ZNF385D: variants seen among roughly 807,000 people sequenced by gnomAD.
ZNF385D encodes the protein zinc finger protein 659.
Under a neutral mutation model 35.8 loss-of-function variants are expected in ZNF385D, and 15 were observed. That is an observed-to-expected ratio of 0.42 (90% confidence interval 0.28 to 0.64). The LOEUF (loss-of-function observed/expected upper bound fraction) is 0.64, where lower values mean the gene tolerates loss of function less well. ZNF385D is among the 30% of genes least tolerant of loss of function. The pLI is 0.23. For missense variants in ZNF385D, 474 were observed against 494.6 expected (o/e 0.96, Z 0.39); for synonymous variants, 212 against 186.8 (o/e 1.13, Z -1.10).
chr3:21,560,786 G>T lies in ZNF385D; in HGVS notation c.276+3788C>A, dbSNP rs1396406085. ...AGGTGCTCTGTCCCAGGGAGTTGGGGGTATTATCTATAAGCCCCTGACTGG... is the reference window on the plus strand; with the variant it reads ...AGGTGCTCTGTCCCAGGGAGTTGGGTGTATTATCTATAAGCCCCTGACTGG... On this transcript the variant is annotated intron_variant, in intron 3 of 7. Coordinates refer to ENST00000281523, the MANE Select transcript of ZNF385D (RefSeq NM_024697.3). Among the ~76,000 whole-genome samples the T allele has an allele frequency of 2.6e-5, 4 of 152,108 alleles. No homozygotes were observed. The East Asian group carries it at 7.8e-4, about 30-fold the overall frequency.
At chr3:22,191,437 A>T (rs1176405854) in intron 2 of ZNF385D, among the ~76,000 whole-genome samples, 2 of 151,336 alleles carry the variant, frequency 1.3e-5, no homozygotes, top group African/African-American at 4.9e-5. Context: ...CAGTGAGCCG[A>T]GATAGTACCA....
At chr3:22,080,939 A>G (rs934708658) in intron 3 of ZNF385D, among the ~76,000 whole-genome samples, 4 of 152,148 alleles carry the variant, frequency 2.6e-5, no homozygotes, top group Non-Finnish European at 5.9e-5. Context: ...AGACTTCCCA[A>G]CATGCAGAAC....
intron 2 of ZNF385D, among the ~76,000 whole-genome samples, chr3:21,588,314 T>G (rs909707049): frequency 6.6e-6 from 1 of 152,332 alleles, no homozygotes; most frequent in Middle Eastern, 3.4e-3. Context: ...GGTTCAACTT[T>G]TAAGACTTTC....
chr3:22,205,342 C>A (rs2125250266), intron 2 of ZNF385D, among the ~76,000 whole-genome samples: 1 of 151,760 alleles, frequency 6.6e-6, no homozygotes, highest in Admixed American at 6.6e-5. Context: ...TCATCAACAC[C>A]AGACCTGTGC....
At chr3:22,111,120 T>C (rs1442924130) in intron 3 of ZNF385D, among the ~76,000 whole-genome samples, 1 of 146,834 alleles carries the variant, frequency 6.8e-6, no homozygotes, top group African/African-American at 2.5e-5. Context: ...AAATCTACAG[T>C]AAAGCAGTAA....
At chr3:21,761,220 T>C in intron 3 of ZNF385D, among the ~76,000 whole-genome samples, 1 of 152,174 alleles carries the variant, frequency 6.6e-6, no homozygotes, top group East Asian at 1.9e-4. Context: ...ATGATCGATA[T>C]TTTAGTGCAA....
chr3:21,632,396 C>T (rs2065307914), intron 2 of ZNF385D, among the ~76,000 whole-genome samples: 1 of 152,050 alleles, frequency 6.6e-6, no homozygotes, highest in South Asian at 2.1e-4. Context: ...GAGTCTATAT[C>T]ATTAGTTTAT....
chr3:21,974,132 T>C (rs1321763217), intron 3 of ZNF385D, among the ~76,000 whole-genome samples: 1 of 151,746 alleles, frequency 6.6e-6, no homozygotes, highest in Non-Finnish European at 1.5e-5. Context: ...GAGCAAAAAT[T>C]TGAACAAAAC....
chr3:22,256,679 T>TG (rs778495406), intron 2 of ZNF385D, among the ~76,000 whole-genome samples: 4 of 151,922 alleles, frequency 2.6e-5, no homozygotes, highest in Admixed American at 6.6e-5. Context: ...GTAAACTTAT[T>TG]GCCTTTTAAG....
chr3:21,667,363 T>C (rs1194753970), intron 1 of ZNF385D, among the ~76,000 whole-genome samples: 2 of 152,130 alleles, frequency 1.3e-5, no homozygotes, highest in Admixed American at 6.5e-5. Flanking sequence ...GTTTTTGCTA[T>C]GTTGCCTAGG....
chr3:21,801,732 T>C (rs2072413569), intron 3 of ZNF385D, among the ~76,000 whole-genome samples: 1 of 152,158 alleles, frequency 6.6e-6, no homozygotes, highest in Non-Finnish European at 1.5e-5. Flanking sequence ...AGAAACATCT[T>C]GGCTTCCAGC....
At chr3:22,080,569 G>A (rs1700697729) in intron 3 of ZNF385D, among the ~76,000 whole-genome samples, 1 of 151,692 alleles carries the variant, frequency 6.6e-6, no homozygotes, top group African/African-American at 2.4e-5. Context: ...GGTTGTAATA[G>A]CTACAGATTT....
chr3:22,167,154 G>A (rs1430098523), intron 3 of ZNF385D, among the ~76,000 whole-genome samples: 1 of 152,144 alleles, frequency 6.6e-6, no homozygotes, highest in Non-Finnish European at 1.5e-5. Context: ...CAAATCCATG[G>A]ACTGGACTGA....
intron 1 of ZNF385D, among the ~76,000 whole-genome samples, chr3:21,743,443 CA>C (rs1164635137): frequency 2.0e-5 from 3 of 152,170 alleles, no homozygotes; most frequent in Admixed American, 2.0e-4. Flanking sequence ...GCTGCCATGA[CA>C]AAAAACCACA....
At chr3:22,143,361 G>C (rs1004545572) in intron 3 of ZNF385D, among the ~76,000 whole-genome samples, 1 of 152,088 alleles carries the variant, frequency 6.6e-6, no homozygotes, top group African/African-American at 2.4e-5. Flanking sequence ...TAGGATTACA[G>C]GCATGAGCCA....
rs2066168133 is a variant in ZNF385D at position 21,659,395 on chromosome 3, T to A, written c.165+5491A>T. ...CATCTATGTGTTTTCCTCAGCAACA[T>A]TTTTGAGATCATGACACACATAAAA... On this transcript the variant is annotated intron_variant, in intron 2 of 7. Transcript: ENST00000281523. Among the ~76,000 whole-genome samples the A allele has an allele frequency of 1.3e-5, 2 of 152,122 alleles. 1 individual carries two copies. The highest frequency in any genetic ancestry group is 4.1e-4 in the South Asian group (2 of 4,824).
chr3:22,131,863 T>C (rs1438347675), intron 3 of ZNF385D, among the ~76,000 whole-genome samples: 1 of 152,112 alleles, frequency 6.6e-6, no homozygotes, highest in East Asian at 1.9e-4. Flanking sequence ...AAGGTATAAG[T>C]CAGGGAAACA....
At chr3:22,282,665 T>C (rs938906181) in intron 2 of ZNF385D, among the ~76,000 whole-genome samples, 4 of 151,988 alleles carry the variant, frequency 2.6e-5, no homozygotes, top group African/African-American at 9.7e-5. Context: ...TGATCTGTCT[T>C]GGAGAATGTT....
At chr3:22,325,028 A>T (rs889960374) in intron 2 of ZNF385D, among the ~76,000 whole-genome samples, 3 of 152,190 alleles carry the variant, frequency 2.0e-5, no homozygotes, top group Non-Finnish European at 2.9e-5. Context: ...CGTACTTTCT[A>T]AGTTTGCTCT....
Sources: gnomAD v4.1 joint callset for allele counts (sites outside exome capture counted in the v4.1 genomes callset) on GRCh38, gnomAD v4.1.1 for gene constraint, MANE v1.5 for transcripts, NCBI Gene and HGNC (gene_info 2026-07-23, HGNC 2026-07-21) for gene names.